The following HSD17B3 variants were observed in gnomAD, a reference collection of about 807,000 sequenced individuals.
The protein encoded by HSD17B3 is hydroxysteroid 17-beta dehydrogenase 3.
HSD17B3 carries 29 observed loss-of-function variants against 41.1 expected under a neutral mutation model. The observed-to-expected ratio is 0.71, with a 90% CI of 0.53 to 0.96. The LOEUF is 0.96. Among genes scored for constraint, HSD17B3 ranks in the 40% least tolerant of loss-of-function variants. The pLI is 0.00. For missense variants in HSD17B3, 323 were observed against 374.6 expected (o/e 0.86, Z 1.14); for synonymous variants, 126 against 145.6 (o/e 0.87, Z 0.97).
chr9:96,290,456 C>CCTTTTTTTTTTT lies in HSD17B3; in HGVS notation c.201+7959_201+7960insAAAAAAAAAAAG, dbSNP rs747479797. On this transcript the variant is annotated intron_variant, in intron 2 of 10. Coordinates refer to ENST00000375263, the MANE Select transcript of HSD17B3 (RefSeq NM_000197.2). ...GAAGGGCACTGTGGTATTTCCTGGG[C>CCTTTTTTTTTTT]TTTTTTTTTTTTTTTTTTTTTTTCC... Among the ~76,000 whole-genome samples the CCTTTTTTTTTTT allele has an allele frequency of 8.9e-5, 7 of 78,418 alleles. 1 individual carries two copies. The highest frequency in any genetic ancestry group is 1.8e-4 in the Admixed American group (1 of 5,416). 51.4% of individuals were successfully genotyped at this position (78,418 alleles called of 152,430 possible). A position where few individuals can be genotyped will look rare whatever the true frequency, so the allele number is the denominator to read the frequency against.
chr9:96,260,999 T>C (rs886547966), intron 2 of HSD17B3, among the ~76,000 whole-genome samples: 2 of 152,172 alleles, frequency 1.3e-5, no homozygotes, highest in Non-Finnish European at 2.9e-5. Flanking sequence ...TTATTTTTTA[T>C]TCCCCCTCTC....
intron 2 of HSD17B3, among the ~76,000 whole-genome samples, chr9:96,279,149 A>G (rs938480450): frequency 1.3e-5 from 2 of 152,250 alleles, no homozygotes; most frequent in African/African-American, 4.8e-5. Flanking sequence ...AGTGTCTGAG[A>G]CAGGTCTCAA....
At chr9:96,298,763 C>T (rs1320623309) in intron 1 of HSD17B3, among the ~76,000 whole-genome samples, 2 of 152,112 alleles carry the variant, frequency 1.3e-5, no homozygotes, top group African/African-American at 2.4e-5. Context: ...AACAGATCCG[C>T]AGCCAGGGAA....
intron 5 of HSD17B3, chr9:96,250,257 A>C (rs1381297652): frequency 1.8e-6 from 2 of 1,107,152 alleles, no homozygotes; most frequent in Admixed American, 4.5e-5. Context: ...GGACACAGAC[A>C]CTAGCACAAA....
At chr9:96,268,935 C>T (rs1374189191) in intron 2 of HSD17B3, among the ~76,000 whole-genome samples, 2 of 151,758 alleles carry the variant, frequency 1.3e-5, no homozygotes, top group Non-Finnish European at 2.9e-5. Context: ...GGCAACAGAG[C>T]GAAACTCCAT....
At chr9:96,251,303 G>C (rs1825395857) in intron 5 of HSD17B3, 115 bp downstream of exon 5, 4 of 842,932 alleles carry the variant, frequency 4.7e-6, no homozygotes. Context: ...ATACAGTCCA[G>C]GATTTCGGCC....
intron 2 of HSD17B3, among the ~76,000 whole-genome samples, chr9:96,289,109 T>TA (rs34252191): frequency 0.46 from 66,549 of 143,418 alleles, 16,076 homozygotes; most frequent in East Asian, 0.66. Context: ...ACCCTATCCC[T>TA]AAAAAAAAAC....
In HSD17B3 at chr9:96,235,427, G is replaced by A. The variant is rs377711592; in HGVS notation, c.*33C>T. The A allele has an allele frequency of 6.1e-6, 9 of 1,475,624 alleles. No individual in the cohort carries two copies. Among genetic ancestry groups the A allele is most frequent in the Non-Finnish European group, 8.5e-6 (9 of 1,059,910 alleles). The allele number at this position is 1,475,624 out of a possible 1,614,324, so 91.4% of individuals were successfully genotyped here. On this transcript the variant is annotated 3_prime_UTR_variant, in exon 11 of 11. Coordinates refer to ENST00000375263, the MANE Select transcript of HSD17B3 (RefSeq NM_000197.2). ...TCTTCAGCCAGCATGGGACTGGTGA[G>A]GAAAAGGTTGTGCTGGACTCCTCAC...
intron 5 of HSD17B3, 84 bp downstream of exon 5, chr9:96,251,334 C>A: frequency 2.6e-6 from 3 of 1,166,260 alleles, no homozygotes; most frequent in East Asian, 2.3e-5. Flanking sequence ...TTCCATCACG[C>A]CTTCCCAGGC....
chr9:96,269,521 G>A (rs958253577), intron 2 of HSD17B3, among the ~76,000 whole-genome samples: 15 of 152,132 alleles, frequency 9.9e-5, no homozygotes, highest in African/African-American at 3.6e-4. Flanking sequence ...TATATGTACT[G>A]AAGATAAATG....
chr9:96,256,295 G>C (rs1281830321), intron 2 of HSD17B3: 1 of 152,038 alleles, frequency 6.6e-6, no homozygotes, highest in Non-Finnish European at 1.5e-5. Flanking sequence ...TCCAATTTTA[G>C]TATATGTGTT....
intron 2 of HSD17B3, among the ~76,000 whole-genome samples, chr9:96,296,831 C>T (rs1375027232): frequency 6.6e-6 from 1 of 152,068 alleles, no homozygotes; most frequent in African/African-American, 2.4e-5. Context: ...AACTTGAGCT[C>T]AGGAGTTCAA....
intron 6 of HSD17B3, among the ~76,000 whole-genome samples, chr9:96,247,820 A>G (rs1564027474): frequency 6.6e-6 from 1 of 151,888 alleles, no homozygotes; most frequent in Non-Finnish European, 1.5e-5. Context: ...TTCTTATTCC[A>G]CCTTCCCTTT....
intron 2 of HSD17B3, among the ~76,000 whole-genome samples, chr9:96,264,975 C>CA (rs1564041335): frequency 6.6e-6 from 1 of 152,026 alleles, no homozygotes; most frequent in Non-Finnish European, 1.5e-5. Flanking sequence ...TTCCAAACTT[C>CA]AAAAAAAGCA....
At chr9:96,241,467 A>C (rs541157845) in intron 9 of HSD17B3, among the ~76,000 whole-genome samples, 3 of 152,230 alleles carry the variant, frequency 2.0e-5, no homozygotes, top group Non-Finnish European at 4.4e-5. Context: ...AGGAACCAAG[A>C]GTAGCACATA....
intron 5 of HSD17B3, among the ~76,000 whole-genome samples, chr9:96,250,685 G>C (rs1027655478): frequency 2.6e-5 from 4 of 152,058 alleles, no homozygotes; most frequent in Non-Finnish European, 5.9e-5. Flanking sequence ...TCAGGCGTTC[G>C]AGACCAGCCT....
At chr9:96,248,212 G>A (rs536378340) in intron 6 of HSD17B3, among the ~76,000 whole-genome samples, 4 of 152,130 alleles carry the variant, frequency 2.6e-5, no homozygotes, top group African/African-American at 7.2e-5. Flanking sequence ...ATCAGCTGGG[G>A]GCTCCAAAAA....
At chr9:96,252,759 C>A (rs527973132) in intron 4 of HSD17B3, 44 bp downstream of exon 4, 1 of 988,568 alleles carries the variant, frequency 1.0e-6, no homozygotes, top group African/African-American at 1.6e-5. Flanking sequence ...CAGGTTATTT[C>A]ACTGATGTAT....
At chr9:96,293,732 C>CA (rs1404167627) in intron 2 of HSD17B3, among the ~76,000 whole-genome samples, 4 of 151,448 alleles carry the variant, frequency 2.6e-5, no homozygotes, top group African/African-American at 9.7e-5. Flanking sequence ...AATACATTCT[C>CA]AAAAAATAAA....
Sources: allele counts gnomAD v4.1 joint callset (sites outside exome capture counted in the v4.1 genomes callset), GRCh38; gene constraint gnomAD v4.1.1; transcripts MANE v1.5; gene names NCBI Gene and HGNC (gene_info 2026-07-23, HGNC 2026-07-21).